Variants in ZC3H12D observed in about 807,000 individuals in gnomAD.
The protein encoded by ZC3H12D is probable ribonuclease ZC3H12D.
In ZC3H12D, 11 loss-of-function variants were observed where a neutral mutation model predicts 24.2. That is an observed-to-expected ratio of 0.46 (90% CI 0.29 to 0.75). The LOEUF (loss-of-function observed/expected upper bound fraction) is 0.75. Ranked by LOEUF, ZC3H12D falls within the 30% of genes least tolerant of loss-of-function variation. The pLI is 0.11. For missense variants in ZC3H12D, 740 were observed against 767.7 expected, an observed-to-expected ratio of 0.96 and a Z score of 0.43; for synonymous variants, 333 against 341.8, an observed-to-expected ratio of 0.97 and a Z score of 0.28.
intron 1 of ZC3H12D, among the ~76,000 whole-genome samples, chr6:149,479,443 A>T (rs7761312): frequency 0.048 from 7,235 of 152,230 alleles, 466 homozygotes; most frequent in African/African-American, 0.14. Context: ...TTTCCTCTCT[A>T]CTTGGAAGCC....
intron 3 of ZC3H12D, among the ~76,000 whole-genome samples, chr6:149,460,801 G>A (rs1776060214): frequency 6.6e-6 from 1 of 151,204 alleles, no homozygotes; most frequent in African/African-American, 2.4e-5. Flanking sequence ...TTGTACTATG[G>A]CCTGGGCGAC....
chr6:149,464,939 G>C (rs1167071592), intron 2 of ZC3H12D, among the ~76,000 whole-genome samples: 1 of 152,206 alleles, frequency 6.6e-6, no homozygotes, highest in South Asian at 2.1e-4. Context: ...GCCTTCTCCC[G>C]AGAAGCCTGG....
chr6:149,461,378 T>C (rs1162678512), intron 3 of ZC3H12D, among the ~76,000 whole-genome samples: 1 of 151,072 alleles, frequency 6.6e-6, no homozygotes, highest in Non-Finnish European at 1.5e-5. Flanking sequence ...TCCCTGGGTC[T>C]CAGTTTTCTT....
rs1422121754 is a variant in ZC3H12D, at chr6:149,456,621, C to A, written c.680+45G>T. On this transcript the variant is annotated intron_variant, in intron 4 of 5. Coordinates refer to ENST00000409806, the MANE Select transcript of ZC3H12D (RefSeq NM_207360.3). The surrounding 1 kb of genome is among the most constrained non-coding windows in gnomAD (Gnocchi z 4.3). Reference sequence around the variant, plus strand: ...TGGCCACTGCCTCGACCCCGGCCCCCCGCCCCGCCGCCCCCCAGGGTGTCA... The same window carrying A: ...TGGCCACTGCCTCGACCCCGGCCCCACGCCCCGCCGCCCCCCAGGGTGTCA... 3.1e-6 allele frequency: 4 copies of A among 1,297,092 alleles called. No homozygotes were observed. Among genetic ancestry groups the A allele is most frequent in the Non-Finnish European group, 4.4e-6 (4 of 906,322 alleles). The allele number at this position is 1,297,092 out of a possible 1,614,324, so 80.3% of individuals were successfully genotyped here.
At chr6:149,461,419 T>G (rs1034207265) in intron 3 of ZC3H12D, among the ~76,000 whole-genome samples, 3 of 152,092 alleles carry the variant, frequency 2.0e-5, no homozygotes, top group Non-Finnish European at 4.4e-5. Flanking sequence ...TTAGATGAAG[T>G]ACTTGGTAAA....
intron 4 of ZC3H12D, among the ~76,000 whole-genome samples, chr6:149,453,284 A>G (rs1775929901): frequency 7.3e-6 from 1 of 137,930 alleles, no homozygotes; most frequent in African/African-American, 2.8e-5. Context: ...CCGGTAACAG[A>G]GTGAGATCCT....
In ZC3H12D at chr6:149,448,535, G is replaced by A. The variant is rs981840462; in HGVS notation, c.*2148C>T. 1 of 152,090 alleles carries A rather than the reference G, an allele frequency of 6.6e-6. No homozygotes were observed. The allele number at this position is 152,090 out of a possible 1,614,324, so 9.4% of individuals were successfully genotyped here. A position where few individuals can be genotyped will look rare whatever the true frequency, so the allele number is the denominator to read the frequency against. ...TCCAGCCTGGGTGACAGATGACAGAGCGGAACCCTGCCCCCTCCTCCCCCA... is the reference window on the plus strand; with the variant it reads ...TCCAGCCTGGGTGACAGATGACAGAACGGAACCCTGCCCCCTCCTCCCCCA... On this transcript the variant is annotated 3_prime_UTR_variant, in exon 6 of 6. Coordinates refer to ENST00000409806, the MANE Select transcript of ZC3H12D (RefSeq NM_207360.3).
In ZC3H12D at chr6:149,448,430, C is replaced by T. The variant is rs184095009; in HGVS notation, c.*2253G>A. 1 of 152,274 alleles carries T rather than the reference C, an allele frequency of 6.6e-6. No homozygotes were observed. Among genetic ancestry groups the T allele is most frequent in the Non-Finnish European group, 1.5e-5 (1 of 68,018 alleles). 9.4% of individuals were successfully genotyped at this position (152,274 alleles called of 1,614,324 possible). ...CGTGGTGGCACAACTGTAGTCCCAG[C>T]TACTCAGGAGGCTGAGGCACAAGGA... On this transcript the variant is annotated 3_prime_UTR_variant, in exon 6 of 6. Coordinates refer to ENST00000409806, the MANE Select transcript of ZC3H12D (RefSeq NM_207360.3).
intron 4 of ZC3H12D, among the ~76,000 whole-genome samples, chr6:149,455,080 G>C (rs1300279098): frequency 6.6e-6 from 1 of 152,226 alleles, no homozygotes; most frequent in African/African-American, 2.4e-5. Context: ...TCAGCTCAGA[G>C]AGGTTGAGTG....
Position 149,461,814 on chromosome 6 carries a change from C to A in ZC3H12D, c.445+17G>T. ...ACGTGTCTAGTACCTCTTGAGCATA[C>A]ATCTGCTCCAGCATACCTCTGATAG... On this transcript the variant is annotated intron_variant, in intron 3 of 5. Coordinates refer to ENST00000409806, the MANE Select transcript of ZC3H12D (RefSeq NM_207360.3). 1 of 1,551,064 alleles carries A rather than the reference C, an allele frequency of 6.4e-7. No individual in the cohort carries two copies. The highest frequency in any genetic ancestry group is 1.2e-5 in the South Asian group (1 of 83,670).
At chr6:149,481,028 C>T (rs2115015334) in intron 1 of ZC3H12D, among the ~76,000 whole-genome samples, 1 of 151,860 alleles carries the variant, frequency 6.6e-6, no homozygotes, top group African/African-American at 2.4e-5. Context: ...GGTCCACCTG[C>T]AGCCCAGACT....
chr6:149,478,989 C>T (rs1165392893), intron 1 of ZC3H12D, among the ~76,000 whole-genome samples: 1 of 152,240 alleles, frequency 6.6e-6, no homozygotes, highest in Non-Finnish European at 1.5e-5. Context: ...ACACTGACCA[C>T]CTCACTGCCT....
rs761352055 is a variant in ZC3H12D, at chr6:149,474,453, C to T, written c.91G>A (p.Ala31Thr). The T allele has an allele frequency of 8.1e-6, 13 of 1,598,574 alleles. No individual in the cohort carries two copies. Among genetic ancestry groups the T allele is most frequent in the Admixed American group, 3.4e-5 (2 of 59,042 alleles). Residue 31 changes from alanine to threonine, a missense_variant, in exon 2 of 6, where the codon GCC becomes ACC. By Grantham distance (58) the Ala-to-Thr change is moderately conservative. Transcript: ENST00000409806. ...TCCTGCAGCACGTCGTTGACCAGGG[C>T]GCCCTCGCCCAGCTTGCCCAACACC... ...LRVLGKLGEG[A>T]LVNDVLQELI...
chr6:149,469,516 C>T (rs558277720), intron 2 of ZC3H12D, among the ~76,000 whole-genome samples: 2 of 152,248 alleles, frequency 1.3e-5, no homozygotes, highest in South Asian at 4.1e-4. Context: ...TCTTCCCACA[C>T]ACCATGATGC....
chr6:149,470,471 G>A (rs611311), intron 2 of ZC3H12D, among the ~76,000 whole-genome samples: 23,256 of 151,938 alleles, frequency 0.15, 1,938 homozygotes, highest in African/African-American at 0.23. Context: ...GGAAGTGGAG[G>A]TTGCAGAGAG....
At chr6:149,484,031 T>G (rs1263561706) in intron 1 of ZC3H12D, among the ~76,000 whole-genome samples, 1 of 152,146 alleles carries the variant, frequency 6.6e-6, no homozygotes, top group Non-Finnish European at 1.5e-5. Flanking sequence ...TGTCCCCTGC[T>G]CTTCTGCATT....
rs1187994251 is a variant in ZC3H12D at position 149,484,819 on chromosome 6, G to A, written c.-77C>T. ...CCAGGGGACATGCACTCACCAGCAG[G>A]GTGTGTCCCTCCGGTCTTCACAATG... is the stretch of plus-strand genomic sequence containing the variant. On this transcript the variant is annotated 5_prime_UTR_variant, in exon 1 of 6. Transcript: ENST00000409806. The A allele has an allele frequency of 6.6e-6, 1 of 152,114 alleles. No individual in the cohort carries two copies. The highest frequency in any genetic ancestry group is 2.4e-5 in the African/African-American group (1 of 41,410). 9.4% of individuals were successfully genotyped at this position (152,114 alleles called of 1,614,324 possible).
chr6:149,472,026 A>G (rs1719387465), intron 2 of ZC3H12D, among the ~76,000 whole-genome samples: 1 of 152,236 alleles, frequency 6.6e-6, no homozygotes, highest in Admixed American at 6.5e-5. Flanking sequence ...AGGTCAACAG[A>G]TAACAATGAG....
intron 2 of ZC3H12D, among the ~76,000 whole-genome samples, chr6:149,466,293 C>T (rs1045809559): frequency 6.6e-5 from 10 of 151,338 alleles, no homozygotes; most frequent in Non-Finnish European, 8.8e-5. Flanking sequence ...TGGGAGGGGG[C>T]GGAGAGGAAC....
Sources: allele counts gnomAD v4.1 joint callset (sites outside exome capture counted in the v4.1 genomes callset), GRCh38; gene constraint gnomAD v4.1.1; non-coding constraint Gnocchi (gnomAD v3.1); transcripts MANE v1.5; gene names NCBI Gene and HGNC (gene_info 2026-07-23, HGNC 2026-07-21).